The following TXNRD3 variants were observed in gnomAD, a reference collection of about 807,000 sequenced individuals.
TXNRD3 encodes the protein TXNRD3 neighbor gene protein.
Under a neutral mutation model 78.2 loss-of-function variants are expected in TXNRD3, and 68 were observed. The observed-to-expected ratio is 0.87, with a 90% CI of 0.72 to 1.06. The LOEUF (loss-of-function observed/expected upper bound fraction) is 1.06. Among genes scored for constraint, TXNRD3 ranks in the 50% least tolerant of loss-of-function variants. TXNRD3 has a pLI of 0.00. For missense variants in TXNRD3, 751 were observed against 809.5 expected (o/e 0.93, Z 0.88); for synonymous variants, 296 against 300.1 (o/e 0.99, Z 0.14).
intron 12 of TXNRD3, among the ~76,000 whole-genome samples, chr3:126,619,634 C>T (rs766945726): frequency 2.0e-5 from 3 of 152,134 alleles, no homozygotes; most frequent in Non-Finnish European, 4.4e-5. Flanking sequence ...GAGTTAAGTC[C>T]TAGTGCTTTA....
At chr3:126,636,455 T>C (rs1455415108) in intron 6 of TXNRD3, among the ~76,000 whole-genome samples, 1 of 152,172 alleles carries the variant, frequency 6.6e-6, no homozygotes, top group African/African-American at 2.4e-5. Flanking sequence ...CCAATAAGTA[T>C]TGCTTCTGAC....
intron 7 of TXNRD3, 109 bp downstream of exon 7, chr3:126,633,800 C>T (rs181842834): frequency 2.8e-6 from 2 of 716,798 alleles, no homozygotes; most frequent in South Asian, 4.1e-5. Context: ...TGTGTGTGTG[C>T]ACGCACGCCT....
intron 14 of TXNRD3, chr3:126,609,272 G>C: frequency 3.8e-6 from 1 of 266,218 alleles, no homozygotes; most frequent in Non-Finnish European, 8.2e-6. Context: ...AATAGATGAA[G>C]AGAAAGACTA....
intron 10 of TXNRD3, among the ~76,000 whole-genome samples, chr3:126,625,676 G>A (rs1014667230): frequency 3.3e-5 from 5 of 152,130 alleles, no homozygotes; most frequent in African/African-American, 1.2e-4. Context: ...ACCCAGTAAT[G>A]GGATGGCTGG....
At chr3:126,653,250 A>G (rs1393608989) in intron 1 of TXNRD3, among the ~76,000 whole-genome samples, 1 of 152,212 alleles carries the variant, frequency 6.6e-6, no homozygotes, top group African/African-American at 2.4e-5. Context: ...GTTACATGCC[A>G]TTTGGCTTAA....
intron 12 of TXNRD3, among the ~76,000 whole-genome samples, chr3:126,619,039 C>T (rs1938382814): frequency 1.3e-5 from 2 of 151,878 alleles, no homozygotes; most frequent in African/African-American, 4.8e-5. Flanking sequence ...GTTAGAATGG[C>T]TATTATCAAA....
chr3:126,630,945 A>C lies in TXNRD3; in HGVS notation c.972-8T>G. 1 of 1,531,834 alleles carries C rather than the reference A, an allele frequency of 6.5e-7. No homozygotes were observed. The highest frequency in any genetic ancestry group is 8.7e-7 in the Non-Finnish European group (1 of 1,145,572). The allele number at this position is 1,531,834 out of a possible 1,614,324, so 94.9% of individuals were successfully genotyped here. On this transcript the variant is annotated splice_polypyrimidine_tract_variant and splice_region_variant and intron_variant, in intron 8 of 15. Transcript: ENST00000524230. ...AGAGAAAAAAGGTCATCACTGAAAA[A>C]TAAAAATTAAAAAAAGAATACCTAG...
At position 126,641,550 on chromosome 3, in the gene TXNRD3, G is replaced by A. The variant is rs949792861; in HGVS notation, c.712+482C>T. Among the ~76,000 whole-genome samples, 3 of 152,084 alleles carry A rather than the reference G, an allele frequency of 2.0e-5. No homozygotes were observed. In the East Asian group the frequency reaches 5.8e-4, roughly 29 times the overall value. On this transcript the variant is annotated intron_variant, in intron 6 of 15. Transcript: ENST00000524230. ...TTGAGTGCACTGAATGGATCTCCTT[G>A]TCTCTCTCCCACGGACTACATGCTG...
intron 7 of TXNRD3, among the ~76,000 whole-genome samples, chr3:126,632,740 A>C (rs1938753054): frequency 6.6e-6 from 1 of 152,144 alleles, no homozygotes; most frequent in Non-Finnish European, 1.5e-5. Context: ...GCTAATATTA[A>C]TGAAGGTGTT....
At chr3:126,610,064 T>G (rs1311507180) in intron 14 of TXNRD3, among the ~76,000 whole-genome samples, 1 of 152,194 alleles carries the variant, frequency 6.6e-6, no homozygotes. Flanking sequence ...CCGCCATCCC[T>G]GTCACTGCCC....
intron 14 of TXNRD3, chr3:126,609,164 G>T (rs1474725737): frequency 2.2e-6 from 1 of 446,122 alleles, no homozygotes; most frequent in African/African-American, 2.0e-5. Context: ...AAGATGTGCA[G>T]TCGTTTTCCA....
chr3:126,607,932 G>A lies in TXNRD3; in HGVS notation c.1905C>T (p.Asp635=). ...AGCCTCAGCAGCCTTTCTGAGTGAT[G>A]TCTAGTCCTGACGACTTTGTGATTT... Residue 635 remains aspartate (D), a synonymous_variant, in exon 16 of 16, where the codon GAC becomes GAT. Coordinates refer to ENST00000524230, the MANE Select transcript of TXNRD3 (RefSeq NM_052883.3). The A allele has an allele frequency of 6.6e-7, 1 of 1,511,908 alleles. No individual in the cohort carries two copies. 93.7% of individuals were successfully genotyped at this position (1,511,908 alleles called of 1,614,324 possible).
chr3:126,617,531 C>T (rs1266090748), intron 12 of TXNRD3, among the ~76,000 whole-genome samples: 2 of 152,164 alleles, frequency 1.3e-5, no homozygotes, highest in African/African-American at 4.8e-5. Flanking sequence ...CATGGCATTC[C>T]TCATGGAGAA....
At chr3:126,644,160 C>T (rs1324495168) in intron 4 of TXNRD3, 107 bp from the exon 5 acceptor site, 1 of 1,379,950 alleles carries the variant, frequency 7.2e-7, no homozygotes, top group Non-Finnish European at 9.8e-7. Flanking sequence ...GACACACAAT[C>T]TTTTACCTGA....
At chr3:126,620,231 C>A (rs1576283521) in intron 12 of TXNRD3, among the ~76,000 whole-genome samples, 1 of 146,410 alleles carries the variant, frequency 6.8e-6, no homozygotes, top group Admixed American at 7.0e-5. Context: ...GGAGGCGGAG[C>A]TTGCAGTGAG....
chr3:126,634,914 G>T (rs926022019), intron 6 of TXNRD3, among the ~76,000 whole-genome samples: 1 of 152,172 alleles, frequency 6.6e-6, no homozygotes, highest in Non-Finnish European at 1.5e-5. Flanking sequence ...AAAGGGAGTC[G>T]ACTGGAGGGG....
chr3:126,631,355 C>T (rs1451807479), intron 8 of TXNRD3, among the ~76,000 whole-genome samples: 1 of 151,978 alleles, frequency 6.6e-6, no homozygotes, highest in African/African-American at 2.4e-5. Flanking sequence ...ACACACATGT[C>T]CTGTTTGACC....
At chr3:126,611,362 CA>C (rs1938195483) in intron 13 of TXNRD3, among the ~76,000 whole-genome samples, 1 of 152,080 alleles carries the variant, frequency 6.6e-6, no homozygotes, top group African/African-American at 2.4e-5. Flanking sequence ...TTAGTCCAAG[CA>C]AAAATCCACA....
intron 14 of TXNRD3, among the ~76,000 whole-genome samples, chr3:126,609,510 G>A (rs762805412): frequency 6.6e-6 from 1 of 152,188 alleles, no homozygotes; most frequent in African/African-American, 2.4e-5. Flanking sequence ...CAGAAAAGGG[G>A]TGTAAATGAA....
Sources: gnomAD v4.1 joint callset for allele counts (sites outside exome capture counted in the v4.1 genomes callset) on GRCh38, gnomAD v4.1.1 for gene constraint, MANE v1.5 for transcripts, NCBI Gene and HGNC (gene_info 2026-07-23, HGNC 2026-07-21) for gene names.